Variants in CIT observed in about 807,000 individuals in gnomAD.
The protein encoded by CIT is citron rho-interacting serine/threonine kinase.
CIT carries 79 observed loss-of-function variants against 272.7 expected under a neutral mutation model. The observed-to-expected ratio is 0.29, with a 90% CI of 0.24 to 0.35. The LOEUF is 0.35. Among genes scored for constraint, CIT ranks in the 10% least tolerant of loss-of-function variants. CIT has a pLI of 1.00. For synonymous variants in CIT, 948 were observed against 995.6 expected (o/e 0.95, Z 0.90); for missense variants, 1,909 against 2,618.3 (o/e 0.73, Z 5.91).
intron 24 of CIT, among the ~76,000 whole-genome samples, chr12:119,735,957 T>A (rs1958731377): frequency 6.6e-6 from 1 of 152,222 alleles, no homozygotes; most frequent in African/African-American, 2.4e-5. Flanking sequence ...TGGCATGACT[T>A]TAATGGATTT....
intron 5 of CIT, among the ~76,000 whole-genome samples, chr12:119,835,274 C>T (rs1968916435): frequency 6.6e-6 from 1 of 152,256 alleles, no homozygotes; most frequent in Non-Finnish European, 1.5e-5. Flanking sequence ...GTTTCATCCT[C>T]TCTAAAACAG....
intron 9 of CIT, among the ~76,000 whole-genome samples, chr12:119,810,359 G>A (rs1966824967): frequency 6.6e-6 from 1 of 152,158 alleles, no homozygotes; most frequent in African/African-American, 2.4e-5. Flanking sequence ...TGGTGTGAGA[G>A]TGGAGGAAAG....
Position 119,713,118 on chromosome 12 carries a change from T to C in CIT, c.4579+85A>G. The stretch of plus-strand genomic sequence containing the variant: ...AAAGCGTAGAAGGCTTGCAAGGCAG[T>C]CCAAAAAACAAAGCCTTCGCGCCAG... On this transcript the variant is annotated intron_variant, in intron 35 of 47. Coordinates refer to ENST00000392521, the MANE Select transcript of CIT (RefSeq NM_001206999.2). The surrounding 1 kb of genome is among the most constrained non-coding windows in gnomAD (Gnocchi z 5.2). The C allele has an allele frequency of 1.0e-6, 1 of 966,688 alleles. No individual in the cohort carries two copies. The highest frequency in any genetic ancestry group is 1.6e-6 in the Non-Finnish European group (1 of 623,106). 59.9% of individuals were successfully genotyped at this position (966,688 alleles called of 1,614,324 possible).
Position 119,721,436 on chromosome 12 carries a change from T to A in CIT, c.3605A>T (p.Gln1202Leu). The A allele has an allele frequency of 6.2e-7, 1 of 1,607,780 alleles. No homozygotes were observed. Among genetic ancestry groups the A allele is most frequent in the Non-Finnish European group, 8.5e-7 (1 of 1,174,848 alleles). The change falls in exon 29 of 48, where the codon CAG becomes CTG. Residue 1202 changes from glutamine (Q) to leucine (L), a missense_variant. Physicochemically the swap from Gln to Leu is moderately radical, Grantham distance 113. Around this residue, in one of 8 missense-constraint regions of CIT, gnomAD observed 530 missense variants for 822.4 expected, o/e 0.64. Transcript: ENST00000392521. ...ATTTTTCTGCAGGTCCATCTGCTGC[T>A]GTAATTTGGCTTGCTAGTGGGGAGA... ...QRLLEEQAKLQQQMDLQKNHI... is the reference protein window; with the variant it reads ...QRLLEEQAKLLQQMDLQKNHI...
chr12:119,784,480 G>A lies in CIT; in HGVS notation c.1402-429C>T, dbSNP rs1381590449. ...GATATTTATTCGTCTGCACTCTTAG[G>A]AGTCCCAGGCAAGCAGTGACTTATT... On this transcript the variant is annotated intron_variant, in intron 11 of 47. Transcript: ENST00000392521. This position sits in a 1 kb window ranked among gnomAD's most constrained non-coding sequence, Gnocchi z 4.7. 4 of 1,193,018 alleles carry A rather than the reference G, an allele frequency of 3.4e-6. No homozygotes were observed. The highest frequency in any genetic ancestry group is 5.9e-5 in the East Asian group (1 of 17,076). The allele number at this position is 1,193,018 out of a possible 1,614,324, so 73.9% of individuals were successfully genotyped here. A position where few individuals can be genotyped will look rare whatever the true frequency, so the allele number is the denominator to read the frequency against.
Position 119,784,823 on chromosome 12 carries a change from T to G in CIT, c.1401+137A>C, listed in dbSNP as rs756079766. ...CCCTCTGAGCTGCTGGAGGCGCGACTTCAGCGAAGGCAGGAGCGCCTCACT... is the reference window on the plus strand; with the variant it reads ...CCCTCTGAGCTGCTGGAGGCGCGACGTCAGCGAAGGCAGGAGCGCCTCACT... On this transcript the variant is annotated intron_variant, in intron 11 of 47. Coordinates refer to ENST00000392521, the MANE Select transcript of CIT (RefSeq NM_001206999.2). This position sits in a 1 kb window ranked among gnomAD's most constrained non-coding sequence, Gnocchi z 4.7. 1.0e-5 allele frequency: 15 copies of G among 1,448,688 alleles called. No homozygotes were observed. The highest frequency in any genetic ancestry group is 1.4e-5 in the Non-Finnish European group (15 of 1,101,168). 89.7% of individuals were successfully genotyped at this position (1,448,688 alleles called of 1,614,324 possible).
Position 119,825,281 on chromosome 12 carries a change from C to A in CIT, c.841G>T (p.Gly281Cys). The A allele has an allele frequency of 6.2e-7, 1 of 1,614,142 alleles. No individual in the cohort carries two copies. Among genetic ancestry groups the A allele is most frequent in the African/African-American group, 1.3e-5 (1 of 75,014 alleles). The change falls in exon 8 of 48, where the codon GGC becomes TGC. Residue 281 changes from glycine to cysteine, a missense_variant. By Grantham distance (159) the Gly-to-Cys change is radical. This residue lies in a region of CIT where 529 missense variants were observed against 549.6 expected (regional missense o/e 0.96). Transcript: ENST00000392521. ...VMNGDGKGTY[G>C]LDCDWWSVGV... ...ACTGACCACCAGTCACAGTCCAGGC[C>A]GTAGGTGCCTTTTCCATCCCCGTTC...
chr12:119,767,021 A>T, intron 19 of CIT, 66 bp downstream of exon 19: 1 of 1,191,984 alleles, frequency 8.4e-7, no homozygotes, highest in Non-Finnish European at 1.2e-6. Context: ...ACAAGGGCCC[A>T]GGAAGAGATG....
At chr12:119,769,794 T>G (rs1172472786) in intron 18 of CIT, among the ~76,000 whole-genome samples, 1 of 152,206 alleles carries the variant, frequency 6.6e-6, no homozygotes, top group Non-Finnish European at 1.5e-5. Flanking sequence ...ATCCATATAT[T>G]TATAAATACA....
chr12:119,753,967 AAAAG>A (rs958969870), intron 22 of CIT, among the ~76,000 whole-genome samples: 3 of 152,196 alleles, frequency 2.0e-5, no homozygotes, highest in African/African-American at 7.2e-5. Flanking sequence ...TCAGAAACTC[AAAAG>A]AAAGGTCTGG....
intron 18 of CIT, among the ~76,000 whole-genome samples, chr12:119,769,860 A>G (rs1253969496): frequency 6.6e-6 from 1 of 152,248 alleles, no homozygotes; most frequent in Non-Finnish European, 1.5e-5. Flanking sequence ...GTATAGACCT[A>G]TAAGTTGGCC....
chr12:119,688,155 C>T lies in CIT; in HGVS notation c.*77G>A. The T allele has an allele frequency of 6.6e-7, 1 of 1,514,140 alleles. No individual in the cohort carries two copies. The highest frequency in any genetic ancestry group is 2.3e-5 in the East Asian group (1 of 44,424). 93.8% of individuals were successfully genotyped at this position (1,514,140 alleles called of 1,614,324 possible). The stretch of plus-strand genomic sequence containing the variant: ...GGCTGAGCACGTGGGCGCTTGGGTC[C>T]CCATCAGCAGAGTTCCATAGTGTGT... On this transcript the variant is annotated 3_prime_UTR_variant, in exon 48 of 48. Transcript: ENST00000392521.
intron 9 of CIT, among the ~76,000 whole-genome samples, chr12:119,814,967 G>C (rs938656618): frequency 6.6e-6 from 1 of 151,348 alleles, no homozygotes; most frequent in Non-Finnish European, 1.5e-5. Context: ...GAACCCAGGA[G>C]GCAGAAGTTG....
intron 17 of CIT, among the ~76,000 whole-genome samples, 159 bp downstream of exon 17, chr12:119,772,611 G>T (rs1342062598): frequency 6.6e-6 from 1 of 152,212 alleles, no homozygotes; most frequent in Non-Finnish European, 1.5e-5. Flanking sequence ...TCTTTCCCCT[G>T]GGGGGAAATG....
At chr12:119,798,436 A>C (rs752637070) in intron 10 of CIT, among the ~76,000 whole-genome samples, 3 of 152,164 alleles carry the variant, frequency 2.0e-5, no homozygotes, top group Non-Finnish European at 4.4e-5. Context: ...CTCACATCCA[A>C]AATGAGAATA....
rs777122284 is a variant in CIT, at chr12:119,708,154, A to T, written c.5211+25T>A. The T allele has an allele frequency of 2.0e-6, 3 of 1,518,496 alleles. No individual in the cohort carries two copies. The African/African-American group carries it at 4.2e-5, about 21-fold the overall frequency. The allele number at this position is 1,518,496 out of a possible 1,614,324, so 94.1% of individuals were successfully genotyped here. On this transcript the variant is annotated intron_variant, in intron 40 of 47. Coordinates refer to ENST00000392521, the MANE Select transcript of CIT (RefSeq NM_001206999.2). ...GTGTCAATTTCCAGAACATTCCACCAGCTAGGACTCTGAGGGGAGCTTACC... is the reference window on the plus strand; with the variant it reads ...GTGTCAATTTCCAGAACATTCCACCTGCTAGGACTCTGAGGGGAGCTTACC...
chr12:119,869,348 A>C lies in CIT; in HGVS notation c.97-147T>G, dbSNP rs1433583326. The C allele has an allele frequency of 4.2e-6, 3 of 708,742 alleles. No individual in the cohort carries two copies. The African/African-American group carries it at 5.5e-5, about 13-fold the overall frequency. The allele number at this position is 708,742 out of a possible 1,614,324, so 43.9% of individuals were successfully genotyped here. A position where few individuals can be genotyped will look rare whatever the true frequency, so the allele number is the denominator to read the frequency against. On this transcript the variant is annotated intron_variant, in intron 2 of 47. Transcript: ENST00000392521. Reference sequence around the variant, plus strand: ...ACAATTCTGTGGCTTCATTCTTTAAAGCAACGTCAACTGACAGTCATTATG... The same window carrying C: ...ACAATTCTGTGGCTTCATTCTTTAACGCAACGTCAACTGACAGTCATTATG...
chr12:119,851,230 T>A (rs771005441), intron 4 of CIT, among the ~76,000 whole-genome samples: 10 of 152,304 alleles, frequency 6.6e-5, no homozygotes, highest in Non-Finnish European at 8.8e-5. Flanking sequence ...CAATTTTCAA[T>A]ATATAGACAT....
rs181270174 is a variant in CIT at position 119,752,009 on chromosome 12, G to A, written c.2904+41C>T. 1.4e-4 allele frequency: 221 copies of A among 1,566,548 alleles called. 1 individual carries two copies. The African/African-American group carries it at 2.6e-3, about 19-fold the overall frequency. ...TGCCAGTTCCACACTCATCCTAGCTGAGGCCTTTAGCAACCTGAAGATGTT... is the reference window on the plus strand; with the variant it reads ...TGCCAGTTCCACACTCATCCTAGCTAAGGCCTTTAGCAACCTGAAGATGTT... On this transcript the variant is annotated intron_variant, in intron 23 of 47. Transcript: ENST00000392521.
Sources: allele counts gnomAD v4.1 joint callset (sites outside exome capture counted in the v4.1 genomes callset), GRCh38; gene constraint gnomAD v4.1.1; regional missense constraint gnomAD v4.1.1; non-coding constraint Gnocchi (gnomAD v3.1); transcripts MANE v1.5; gene names NCBI Gene and HGNC (gene_info 2026-07-23, HGNC 2026-07-21).